DCAF1: variants seen among roughly 807,000 people sequenced by gnomAD.
DCAF1 encodes DDB1 and CUL4 associated factor 1, also known as DDB1- and CUL4-associated factor 1.
A neutral mutation model predicts 128.0 loss-of-function variants in DCAF1; 15 were observed. That is an observed-to-expected ratio of 0.12 (90% CI 0.08 to 0.18). The LOEUF is 0.18. Ranked by LOEUF, DCAF1 falls within the 10% of genes least tolerant of loss-of-function variation. The pLI, the probability that DCAF1 is intolerant of heterozygous loss-of-function variation, is 1.00. For synonymous variants in DCAF1, 610 were observed against 603.0 expected, an observed-to-expected ratio of 1.01 and a Z score of -0.17; for missense variants, 988 against 1,649.5, an observed-to-expected ratio of 0.60 and a Z score of 6.95.
At chr3:51,400,628 T>C (rs2089599217) in intron 24 of DCAF1, among the ~76,000 whole-genome samples, 1 of 151,976 alleles carries the variant, frequency 6.6e-6, no homozygotes, top group Admixed American at 6.6e-5. Flanking sequence ...GACGCCTTTC[T>C]CTACCTTCCT....
At chr3:51,483,100 T>C (rs574757275) in intron 3 of DCAF1, among the ~76,000 whole-genome samples, 7 of 148,788 alleles carry the variant, frequency 4.7e-5, no homozygotes, top group African/African-American at 1.7e-4. Flanking sequence ...GATCACGCCA[T>C]TGCACTCTAG....
At chr3:51,422,637 G>C (rs1699508721) in intron 13 of DCAF1, among the ~76,000 whole-genome samples, 1 of 152,080 alleles carries the variant, frequency 6.6e-6, no homozygotes, top group East Asian at 1.9e-4. Flanking sequence ...TATAGCAATG[G>C]AATTTTTACC....
In DCAF1 at chr3:51,398,557, C is replaced by T. The variant is rs1553623885; in HGVS notation, c.*212G>A. ...TGGATGTGGGGGGTGCAGAGTAGGG[C>T]CTAGTCCCTGTTGTCATTTTTGTGG... On this transcript the variant is annotated 3_prime_UTR_variant, in exon 25 of 25. Transcript: ENST00000684031. The T allele has an allele frequency of 9.9e-6, 6 of 603,306 alleles. No homozygotes were observed. In the Admixed American group the frequency reaches 1.8e-4, roughly 18 times the overall value. The allele number at this position is 603,306 out of a possible 1,614,324, so 37.4% of individuals were successfully genotyped here.
At chr3:51,401,419 GA>G (rs1260182642) in intron 24 of DCAF1, among the ~76,000 whole-genome samples, 3 of 152,176 alleles carry the variant, frequency 2.0e-5, no homozygotes, top group African/African-American at 4.8e-5. Flanking sequence ...GCTCTTCTAT[GA>G]AACACAGAAA....
upstream of DCAF1, among the ~76,000 whole-genome samples, chr3:51,500,873 G>A (rs565654925): frequency 3.4e-4 from 50 of 146,432 alleles, no homozygotes; most frequent in African/African-American, 5.3e-4. Context: ...GTGCAGTGGC[G>A]CGATCACAGC....
intron 5 of DCAF1, among the ~76,000 whole-genome samples, chr3:51,464,757 G>A (rs1006006437): frequency 1.3e-5 from 2 of 151,840 alleles, no homozygotes; most frequent in Non-Finnish European, 2.9e-5. Flanking sequence ...AAGGATTACC[G>A]AAGCCCCTAG....
At chr3:51,478,563 CAT>C (rs35743429) in intron 3 of DCAF1, among the ~76,000 whole-genome samples, 7,473 of 152,226 alleles carry the variant, frequency 0.049, 759 homozygotes, top group East Asian at 0.33. Context: ...CAATTATACA[CAT>C]GTTAACAGCA....
Position 51,441,758 on chromosome 3 carries a change from T to C in DCAF1, c.653A>G (p.Tyr218Cys), listed in dbSNP as rs1470693375. Residue 218 changes from tyrosine (Y) to cysteine (C), a missense_variant, in exon 8 of 25, where the codon TAT becomes TGT. By Grantham distance (194) the Tyr-to-Cys change is radical (BLOSUM62 -2). Around this residue, in one of 11 missense-constraint regions of DCAF1, gnomAD observed 210 missense variants for 260.2 expected, o/e 0.81. Coordinates refer to ENST00000684031, the MANE Select transcript of DCAF1 (RefSeq NM_001387579.1). ...PLDEEAVDMD[Y>C]GDMAVDVVDG... is the part of the protein sequence containing the mutation. ...CACTACATCTACAGCCATGTCACCA[T>C]AGTCCATATCCACAGCCTCCTCATC... is the stretch of plus-strand genomic sequence containing the variant. 12 of 1,613,856 alleles carry C rather than the reference T, an allele frequency of 7.4e-6. No homozygotes were observed. The highest frequency in any genetic ancestry group is 1.7e-5 in the Admixed American group (1 of 59,982).
Position 51,470,844 on chromosome 3 carries a change from T to C in DCAF1, c.187+85A>G, listed in dbSNP as rs28452959. The stretch of plus-strand genomic sequence containing the variant: ...TTTCCCATAAGCAATTTTTCTTTTT[T>C]AGAAAAGAAAAAAAAGACCCTCGCT... On this transcript the variant is annotated intron_variant, in intron 4 of 24. Coordinates refer to ENST00000684031, the MANE Select transcript of DCAF1 (RefSeq NM_001387579.1). 8.7e-6 allele frequency: 9 copies of C among 1,028,668 alleles called. No homozygotes were observed. In the East Asian group the frequency reaches 2.0e-4, roughly 23 times the overall value. 63.7% of individuals were successfully genotyped at this position (1,028,668 alleles called of 1,614,324 possible). A position where few individuals can be genotyped will look rare whatever the true frequency, so the allele number is the denominator to read the frequency against.
rs1372036646 is a variant in DCAF1, at chr3:51,456,111, C to T, written c.375+7003G>A. On this transcript the variant is annotated intron_variant, in intron 6 of 24. Coordinates refer to ENST00000684031, the MANE Select transcript of DCAF1 (RefSeq NM_001387579.1). ...TGCTAGCAGAAGCAGGGCAAGGCAT[C>T]GCCTCACCCAGGAAGCATAAGGGGT... Among the ~76,000 whole-genome samples, 4 of 152,154 alleles carry T rather than the reference C, an allele frequency of 2.6e-5. No individual in the cohort carries two copies. In the East Asian group the frequency reaches 5.8e-4, roughly 22 times the overall value.
At chr3:51,439,134 G>C (rs931707988) in intron 9 of DCAF1, among the ~76,000 whole-genome samples, 1 of 151,738 alleles carries the variant, frequency 6.6e-6, no homozygotes, top group Non-Finnish European at 1.5e-5. Context: ...TGAAGGGTCT[G>C]CCTGTTTTGT....
chr3:51,438,283 C>T (rs185103024), intron 9 of DCAF1, among the ~76,000 whole-genome samples: 35 of 152,174 alleles, frequency 2.3e-4, no homozygotes, highest in Non-Finnish European at 4.1e-4. Flanking sequence ...TGATTGCTTA[C>T]GATATACCAG....
intron 17 of DCAF1, 133 bp downstream of exon 17, chr3:51,417,983 T>A: frequency 4.4e-6 from 5 of 1,128,314 alleles, no homozygotes; most frequent in Non-Finnish European, 6.2e-6. Context: ...GAGTCTTAGA[T>A]GAGGAAGAGA....
At chr3:51,482,695 G>A (rs1334239077) in intron 3 of DCAF1, among the ~76,000 whole-genome samples, 2 of 149,080 alleles carry the variant, frequency 1.3e-5, no homozygotes, top group African/African-American at 5.0e-5. Flanking sequence ...AACCCGGGAG[G>A]CGGAGGTTGC....
intron 9 of DCAF1, among the ~76,000 whole-genome samples, chr3:51,434,437 TTTACTA>T (rs1264431730): frequency 2.6e-5 from 4 of 152,124 alleles, no homozygotes; most frequent in Non-Finnish European, 5.9e-5. Flanking sequence ...CTACAACCAT[TTTACTA>T]TTACATATTT....
chr3:51,486,533 T>C (rs1706978530), intron 2 of DCAF1, among the ~76,000 whole-genome samples: 1 of 151,932 alleles, frequency 6.6e-6, no homozygotes, highest in East Asian at 1.9e-4. Flanking sequence ...AAAAAGGAAA[T>C]GCTGTAGGTG....
At chr3:51,483,649 GAAGA>G in intron 3 of DCAF1, 66 bp downstream of exon 3, 2 of 880,686 alleles carry the variant, frequency 2.3e-6, no homozygotes, top group Non-Finnish European at 3.8e-6. Context: ...GTGTGTGTAT[GAAGA>G]AATCTAGCGT....
intron 9 of DCAF1, among the ~76,000 whole-genome samples, chr3:51,439,497 A>G (rs1180743097): frequency 7.0e-6 from 1 of 142,854 alleles, no homozygotes; most frequent in Non-Finnish European, 1.5e-5. Context: ...GCTGGAGTAC[A>G]ATGGCACGAT....
intron 5 of DCAF1, among the ~76,000 whole-genome samples, chr3:51,466,521 G>A (rs1704145711): frequency 1.3e-5 from 2 of 152,084 alleles, no homozygotes; most frequent in East Asian, 3.9e-4. Context: ...CATGCTGTAT[G>A]CATCACTCTT....
Sources: gnomAD v4.1 joint callset for allele counts (sites outside exome capture counted in the v4.1 genomes callset) on GRCh38, gnomAD v4.1.1 for gene constraint, gnomAD v4.1.1 regional missense constraint, MANE v1.5 for transcripts, NCBI Gene and HGNC (gene_info 2026-07-23, HGNC 2026-07-21) for gene names.